The following SUFU variants were observed in gnomAD, a reference collection of about 807,000 sequenced individuals.
The protein encoded by SUFU is suppressor of fused homolog.
A neutral mutation model predicts 58.9 loss-of-function variants in SUFU; 7 were observed. The ratio of observed to expected loss-of-function variants is 0.12; its 90% CI spans 0.07 to 0.22. The LOEUF (loss-of-function observed/expected upper bound fraction) is 0.22. SUFU is among the 10% of genes least tolerant of loss of function. SUFU has a pLI of 1.00. For synonymous variants in SUFU, 232 were observed against 254.8 expected (o/e 0.91, Z 0.85); for missense variants, 451 against 641.3 (o/e 0.70, Z 3.20).
intron 8 of SUFU, among the ~76,000 whole-genome samples, chr10:102,604,630 T>C (rs1178315388): frequency 6.6e-6 from 1 of 152,034 alleles, no homozygotes; most frequent in African/African-American, 2.4e-5. Flanking sequence ...GGCTCAAAGG[T>C]AAGAGCTAGA....
At chr10:102,564,808 C>A (rs897323641) in intron 3 of SUFU, among the ~76,000 whole-genome samples, 2 of 152,312 alleles carry the variant, frequency 1.3e-5, no homozygotes, top group Admixed American at 6.5e-5. Flanking sequence ...TGCTGTGGAT[C>A]TGTGAAATAT....
At chr10:102,515,315 C>T (rs1210123898) in intron 2 of SUFU, among the ~76,000 whole-genome samples, 1 of 130,246 alleles carries the variant, frequency 7.7e-6, no homozygotes, top group African/African-American at 2.8e-5. Flanking sequence ...TTTGCCGGAA[C>T]TTTTTTTTTT....
intron 3 of SUFU, among the ~76,000 whole-genome samples, chr10:102,570,181 G>A (rs968531420): frequency 1.3e-5 from 2 of 152,038 alleles, no homozygotes; most frequent in African/African-American, 4.8e-5. Context: ...GGATTTAAGC[G>A]CTGGGTGTGC....
chr10:102,527,608 C>T (rs970844273), intron 2 of SUFU, among the ~76,000 whole-genome samples: 8 of 151,868 alleles, frequency 5.3e-5, no homozygotes, highest in African/African-American at 1.9e-4. Context: ...CTTTTTAATA[C>T]CATCTTATCT....
chr10:102,544,801 C>T (rs1332928662), intron 2 of SUFU, among the ~76,000 whole-genome samples: 3 of 152,204 alleles, frequency 2.0e-5, no homozygotes, highest in Non-Finnish European at 4.4e-5. Flanking sequence ...TTCTGGCAAC[C>T]ACCAACCTAT....
intron 2 of SUFU, among the ~76,000 whole-genome samples, chr10:102,523,922 A>G (rs1163960140): frequency 6.6e-6 from 1 of 152,002 alleles, no homozygotes; most frequent in Non-Finnish European, 1.5e-5. Context: ...TGCTCTTCCT[A>G]TTCTGCCCCC....
Position 102,630,216 on chromosome 10 carries a change from G to A in SUFU, c.*61G>A, listed in dbSNP as rs184505927. 760 of 1,315,450 alleles carry A rather than the reference G, an allele frequency of 5.8e-4. 3 individuals are homozygous for A. The African/African-American group carries it at 7.8e-3, about 14-fold the overall frequency. The allele number at this position is 1,315,450 out of a possible 1,614,324, so 81.5% of individuals were successfully genotyped here. On this transcript the variant is annotated 3_prime_UTR_variant, in exon 12 of 12. Transcript: ENST00000369902. Reference sequence around the variant, plus strand: ...CAGCTGCTCCCCAGTGACTTCCAGTGTAACAGTTGTGTCAACGAGATCTCC... The same window carrying A: ...CAGCTGCTCCCCAGTGACTTCCAGTATAACAGTTGTGTCAACGAGATCTCC...
chr10:102,518,805 A>G (rs1477354467), intron 2 of SUFU, among the ~76,000 whole-genome samples: 1 of 151,670 alleles, frequency 6.6e-6, no homozygotes, highest in Non-Finnish European at 1.5e-5. Context: ...TGCTGGGATT[A>G]TAGACGTGAG....
At position 102,504,251 on chromosome 10, in the gene SUFU, A is replaced by C. The variant is rs2135598153; in HGVS notation, c.99A>C (p.Gly33=). The change falls in exon 1 of 12, where the codon GGA becomes GGC. Residue 33 remains glycine (G), a synonymous_variant. Coordinates refer to ENST00000369902, the MANE Select transcript of SUFU (RefSeq NM_016169.4). ...PPAFASLFPP[G]LHAIYGECRR... is the part of the protein sequence containing the mutation. ...CCTTCGCTTCGCTCTTTCCCCCGGG[A>C]CTGCACGCCATCTACGGAGAGTGCC... The C allele has an allele frequency of 6.5e-7, 1 of 1,534,330 alleles. No homozygotes were observed. The highest frequency in any genetic ancestry group is 8.8e-7 in the Non-Finnish European group (1 of 1,133,898).
chr10:102,512,627 A>G (rs1016925550), intron 2 of SUFU, among the ~76,000 whole-genome samples: 9 of 152,218 alleles, frequency 5.9e-5, no homozygotes, highest in African/African-American at 2.2e-4. Flanking sequence ...TATGTCATTT[A>G]TGACAAGAGT....
At position 102,542,443 on chromosome 10, in the gene SUFU, TA is replaced by T. The variant is rs1191460786; in HGVS notation, c.318-7526del. The stretch of plus-strand genomic sequence containing the variant: ...ACTGCGCCCGGCCTATATATATATA[TA>T]TTTTTTTTTAAGTAGAGATGGGGTT... On this transcript the variant is annotated intron_variant, in intron 2 of 11. Transcript: ENST00000369902. 1.7e-3 allele frequency among the ~76,000 whole-genome samples: 243 copies of T among 146,616 alleles called. 2 individuals are homozygous for T. The highest frequency in any genetic ancestry group is 4.9e-3 in the African/African-American group (191 of 38,684).
chr10:102,569,286 T>C (rs1378726983), intron 3 of SUFU, among the ~76,000 whole-genome samples: 1 of 152,126 alleles, frequency 6.6e-6, no homozygotes, highest in African/African-American at 2.4e-5. Flanking sequence ...TTCTCACCTG[T>C]AGTCATGGCC....
chr10:102,620,585 C>T (rs180794351), intron 10 of SUFU, among the ~76,000 whole-genome samples: 3 of 152,348 alleles, frequency 2.0e-5, no homozygotes, highest in Admixed American at 2.0e-4. Flanking sequence ...AGCACCTTGA[C>T]TCCGTCTGCC....
At chr10:102,520,779 C>T (rs943877111) in intron 2 of SUFU, among the ~76,000 whole-genome samples, 3 of 152,186 alleles carry the variant, frequency 2.0e-5, no homozygotes, top group Admixed American at 1.3e-4. Context: ...AAGATTCCGC[C>T]GTGCCTTTTG....
rs762558038 is a variant in SUFU at position 102,597,229 on chromosome 10, C to G, written c.846C>G (p.Pro282=). 4.3e-6 allele frequency: 7 copies of G among 1,613,982 alleles called. No individual in the cohort carries two copies. The highest frequency in any genetic ancestry group is 5.9e-6 in the Non-Finnish European group (7 of 1,180,008). The change falls in exon 7 of 12, where the codon CCC becomes CCG. Residue 282 remains proline (P), a synonymous_variant. Transcript: ENST00000369902. ...CCTGGGATGACCTGAGCCGGCCCCC[C>G]GAGGATGACGAGGACAGCCGGAGCA... The part of the protein sequence containing the change: ...KCAWDDLSRP[P]EDDEDSRSIC...
intron 3 of SUFU, among the ~76,000 whole-genome samples, chr10:102,552,961 G>A (rs2062933853): frequency 1.3e-5 from 2 of 152,286 alleles, no homozygotes. Flanking sequence ...GCTGTTTGTT[G>A]AGTATACATT....
At chr10:102,568,628 CT>C (rs1418248378) in intron 3 of SUFU, among the ~76,000 whole-genome samples, 3 of 151,692 alleles carry the variant, frequency 2.0e-5, no homozygotes, top group Non-Finnish European at 4.4e-5. Flanking sequence ...AATCCCAGCA[CT>C]TTGGAAGGCC....
At position 102,521,826 on chromosome 10, in the gene SUFU, A is replaced by G. The variant is rs578069807; in HGVS notation, c.317+12523A>G. ...ATTCGTTATTGTTATCCAATGTCTTAGTTGTAATTTTGCTTTTTTTCACTT... is the reference window on the plus strand; with the variant it reads ...ATTCGTTATTGTTATCCAATGTCTTGGTTGTAATTTTGCTTTTTTTCACTT... On this transcript the variant is annotated intron_variant, in intron 2 of 11. Coordinates refer to ENST00000369902, the MANE Select transcript of SUFU (RefSeq NM_016169.4). 4.6e-5 allele frequency among the ~76,000 whole-genome samples: 7 copies of G among 152,294 alleles called. No individual in the cohort carries two copies. In the East Asian group the frequency reaches 9.6e-4, roughly 21 times the overall value.
At chr10:102,514,837 C>G (rs188183264) in intron 2 of SUFU, among the ~76,000 whole-genome samples, 1 of 152,246 alleles carries the variant, frequency 6.6e-6, no homozygotes, top group Admixed American at 6.5e-5. Context: ...GGGCCCTAAC[C>G]GAGGCTGGAA....
Sources: allele counts gnomAD v4.1 joint callset (sites outside exome capture counted in the v4.1 genomes callset), GRCh38; gene constraint gnomAD v4.1.1; transcripts MANE v1.5; gene names NCBI Gene and HGNC (gene_info 2026-07-23, HGNC 2026-07-21).